The following ZFHX3 variants were observed in gnomAD, a reference collection of about 807,000 sequenced individuals.
ZFHX3 encodes zinc finger homeobox 3.
In ZFHX3, 42 loss-of-function variants were observed where a neutral mutation model predicts 279.1. The ratio of observed to expected loss-of-function variants is 0.15; its 90% CI spans 0.12 to 0.19. The LOEUF is 0.19. Among genes scored for constraint, ZFHX3 ranks in the 10% least tolerant of loss-of-function variants. The pLI is 1.00. For missense variants in ZFHX3, 4,981 were observed against 4,754.0 expected (o/e 1.05, Z -1.40); for synonymous variants, 2,293 against 1,957.8 (o/e 1.17, Z -4.52).
intron 4 of ZFHX3, among the ~76,000 whole-genome samples, chr16:73,290,220 G>A (rs1158880140): frequency 6.6e-6 from 1 of 152,114 alleles, no homozygotes; most frequent in Non-Finnish European, 1.5e-5. Flanking sequence ...ATAGCTTCGT[G>A]AATTCCCTAA....
chr16:72,880,916 C>T (rs1273819419), intron 4 of ZFHX3, among the ~76,000 whole-genome samples: 3 of 152,082 alleles, frequency 2.0e-5, no homozygotes, highest in Non-Finnish European at 4.4e-5. Context: ...TAGCAAAAAG[C>T]AAAATTAAAT....
intron 1 of ZFHX3, among the ~76,000 whole-genome samples, chr16:73,034,392 G>T (rs1275087527): frequency 1.3e-5 from 2 of 152,180 alleles, no homozygotes; most frequent in Admixed American, 6.5e-5. Flanking sequence ...TCATCTTGGG[G>T]GGCACTAGAG....
Position 73,711,931 on chromosome 16 carries a change from G to T in ZFHX3, c.-1607-31691C>A, listed in dbSNP as rs549900024. On this transcript the variant is annotated intron_variant, in intron 1 of 17. Transcript: ENST00000641206. ...TACAGCCCTTGAGGCCCTGGCCCTG[G>T]CCACACTCTCTGGGAAACCCTGAGC... Among the ~76,000 whole-genome samples the T allele has an allele frequency of 2.6e-5, 4 of 152,348 alleles. No individual in the cohort carries two copies. In the South Asian group the frequency reaches 8.3e-4, roughly 32 times the overall value.
chr16:73,582,088 A>T (rs1278878903), intron 2 of ZFHX3, among the ~76,000 whole-genome samples: 1 of 151,942 alleles, frequency 6.6e-6, no homozygotes, highest in East Asian at 1.9e-4. Context: ...ATGGTAGCAT[A>T]ATTATACTAT....
At chr16:73,034,502 A>G (rs1388807708) in intron 1 of ZFHX3, among the ~76,000 whole-genome samples, 6 of 152,212 alleles carry the variant, frequency 3.9e-5, no homozygotes, top group Non-Finnish European at 7.3e-5. Flanking sequence ...CTGTGAAGTC[A>G]GAAAAACCAC....
At chr16:73,823,955 A>G (rs1463378495) in intron 1 of ZFHX3, among the ~76,000 whole-genome samples, 1 of 152,188 alleles carries the variant, frequency 6.6e-6, no homozygotes, top group Admixed American at 6.5e-5. Flanking sequence ...AGATTTGTGC[A>G]TTTGGGCATA....
At chr16:72,984,822 C>A (rs897287108) in intron 1 of ZFHX3, among the ~76,000 whole-genome samples, 1 of 151,978 alleles carries the variant, frequency 6.6e-6, no homozygotes, top group Non-Finnish European at 1.5e-5. Flanking sequence ...CAGGCCTCAA[C>A]AGAATTTATA....
chr16:73,675,357 AT>A (rs969930244), intron 2 of ZFHX3, among the ~76,000 whole-genome samples: 50 of 152,136 alleles, frequency 3.3e-4, no homozygotes, highest in African/African-American at 1.1e-3. Flanking sequence ...GAAGAAAAAA[AT>A]GTAAGATAAA....
intron 4 of ZFHX3, among the ~76,000 whole-genome samples, chr16:72,862,917 G>C (rs2037921763): frequency 6.6e-6 from 1 of 152,038 alleles, no homozygotes; most frequent in Admixed American, 6.5e-5. Context: ...ACACCATGTT[G>C]GCATCTGGAT....
At chr16:73,781,500 C>G (rs183482675) in intron 1 of ZFHX3, among the ~76,000 whole-genome samples, 3 of 152,166 alleles carry the variant, frequency 2.0e-5, no homozygotes, top group Non-Finnish European at 4.4e-5. Context: ...TCATCATTTG[C>G]ATAACATCTA....
At chr16:72,974,568 AACACACAC>A (rs59350988) in intron 1 of ZFHX3, among the ~76,000 whole-genome samples, 21,547 of 148,244 alleles carry the variant, frequency 0.15, 1,731 homozygotes, top group East Asian at 0.36. Context: ...CTGATAGGGC[AACACACAC>A]ACACACACAC....
At chr16:73,012,239 C>T (rs541136636) in intron 1 of ZFHX3, among the ~76,000 whole-genome samples, 8 of 152,260 alleles carry the variant, frequency 5.3e-5, no homozygotes, top group Admixed American at 1.3e-4. Context: ...AGCTCCACAG[C>T]GCCTCTCCAT....
chr16:72,925,852 AG>A (rs1158997845), intron 3 of ZFHX3, among the ~76,000 whole-genome samples: 1 of 152,236 alleles, frequency 6.6e-6, no homozygotes, highest in Non-Finnish European at 1.5e-5. Flanking sequence ...TGAAGACAGG[AG>A]GAAAATGCAA....
At chr16:72,880,047 G>A (rs1047620404) in intron 4 of ZFHX3, among the ~76,000 whole-genome samples, 3 of 152,144 alleles carry the variant, frequency 2.0e-5, no homozygotes, top group African/African-American at 4.8e-5. Context: ...CAGCGAGGTC[G>A]CAGTAGTTAA....
intron 3 of ZFHX3, among the ~76,000 whole-genome samples, chr16:73,360,357 G>A (rs1254252918): frequency 6.6e-6 from 1 of 152,192 alleles, no homozygotes; most frequent in African/African-American, 2.4e-5. Context: ...GTTTTGTTGT[G>A]AGACGAAGGC....
chr16:73,046,236 T>C (rs1014480912), intron 1 of ZFHX3, among the ~76,000 whole-genome samples: 1 of 152,234 alleles, frequency 6.6e-6, no homozygotes, highest in Non-Finnish European at 1.5e-5. Flanking sequence ...CTTCAATTAT[T>C]TGGAACCGTG....
chr16:73,698,910 G>C (rs1203705956), intron 1 of ZFHX3, among the ~76,000 whole-genome samples: 2 of 152,062 alleles, frequency 1.3e-5, no homozygotes, highest in South Asian at 2.1e-4. Context: ...TTCTGAGATG[G>C]GGTCTTCCTC....
intron 7 of ZFHX3, among the ~76,000 whole-genome samples, chr16:72,808,970 G>A (rs1342542033): frequency 6.6e-6 from 1 of 152,234 alleles, no homozygotes; most frequent in African/African-American, 2.4e-5. Context: ...AAAGGTGCTA[G>A]TTAATGGGTA....
At chr16:72,955,848 T>C (rs1961229226) in intron 2 of ZFHX3, among the ~76,000 whole-genome samples, 1 of 151,732 alleles carries the variant, frequency 6.6e-6, no homozygotes, top group Admixed American at 6.6e-5. Flanking sequence ...TCTGTCTTCA[T>C]TCCACCTCCG....
Sources: gnomAD v4.1 joint callset for allele counts (sites outside exome capture counted in the v4.1 genomes callset) on GRCh38, gnomAD v4.1.1 for gene constraint, MANE v1.5 for transcripts, NCBI Gene and HGNC (gene_info 2026-07-23, HGNC 2026-07-21) for gene names.